The following MYH2 variants were observed in gnomAD, a reference collection of about 807,000 sequenced individuals.
The protein encoded by MYH2 is myosin heavy chain 2.
Under a neutral mutation model 228.1 loss-of-function variants are expected in MYH2, and 139 were observed. That is an observed-to-expected ratio of 0.61 (90% CI 0.53 to 0.70). The LOEUF is 0.70. MYH2 is among the 30% of genes least tolerant of loss of function. The probability of loss-of-function intolerance (pLI) is 0.00; values close to 1 mark genes in which losing one functional copy is unlikely to be tolerated. For missense variants in MYH2, 1,809 were observed against 2,357.5 expected (o/e 0.77, Z 4.82); for synonymous variants, 796 against 871.1 (o/e 0.91, Z 1.52).
rs780938885 is a variant in MYH2 at position 10,547,858 on chromosome 17, T to G, written c.63A>C (p.Glu21Asp). 6.2e-7 allele frequency: 1 copy of G among 1,614,144 alleles called. No individual in the cohort carries two copies. Among genetic ancestry groups the G allele is most frequent in the South Asian group, 1.1e-5 (1 of 91,072 alleles). ...GEAAPFLRKS[E>D]RERIEAQNRP... ...TATTCTGGGCCTCAATGCGCTCCCTTTCAGACTTTCGGAGGAAAGGAGCAG... is the reference window on the plus strand; with the variant it reads ...TATTCTGGGCCTCAATGCGCTCCCTGTCAGACTTTCGGAGGAAAGGAGCAG... Residue 21 changes from glutamate to aspartate, a missense_variant, in exon 3 of 40, where the codon GAA (glutamate) becomes GAC (aspartate). Glu to Asp is a conservative substitution (Grantham distance 45). Coordinates refer to ENST00000245503, the MANE Select transcript of MYH2 (RefSeq NM_017534.6).
chr17:10,527,574 T>C (rs1470921562), intron 28 of MYH2, among the ~76,000 whole-genome samples, 174 bp downstream of exon 28: 1 of 152,230 alleles, frequency 6.6e-6, no homozygotes, highest in Non-Finnish European at 1.5e-5. Flanking sequence ...TATTGAAACC[T>C]TTATCTCCAG....
At position 10,525,255 on chromosome 17, in the gene MYH2, C is replaced by T; in HGVS notation, c.4631G>A (p.Cys1544Tyr). The change falls in exon 33 of 40, where the codon TGT (cysteine) becomes TAT (tyrosine). Residue 1544 changes from cysteine (C) to tyrosine (Y), a missense_variant. Coordinates refer to ENST00000245503, the MANE Select transcript of MYH2 (RefSeq NM_017534.6). This position sits in a 1 kb window ranked among gnomAD's most constrained non-coding sequence, Gnocchi z 4.2. ...KIKKQVEQEK[C>Y]ELQAALEEAE... is the part of the protein sequence containing the mutation. Reference sequence around the variant, plus strand: ...TTCTTCTAAAGCAGCCTGAAGTTCACACTTTTCTTGTTCCACTTGTTTCTT... The same window carrying T: ...TTCTTCTAAAGCAGCCTGAAGTTCATACTTTTCTTGTTCCACTTGTTTCTT... 1 of 1,614,100 alleles carries T rather than the reference C, an allele frequency of 6.2e-7. No individual in the cohort carries two copies. The highest frequency in any genetic ancestry group is 8.5e-7 in the Non-Finnish European group (1 of 1,180,026).
intron 4 of MYH2, among the ~76,000 whole-genome samples, chr17:10,545,831 A>C (rs1455447004): frequency 2.6e-5 from 4 of 152,110 alleles, no homozygotes; most frequent in Non-Finnish European, 5.9e-5. Context: ...TTAAGTGAGT[A>C]CTCTTATTTC....
intron 39 of MYH2, among the ~76,000 whole-genome samples, chr17:10,521,734 G>A (rs1402425022): frequency 6.6e-6 from 1 of 151,936 alleles, no homozygotes; most frequent in East Asian, 1.9e-4. Context: ...TAAAGTCATA[G>A]TTGTTAATGC....
chr17:10,547,359 T>C, intron 4 of MYH2, 116 bp downstream of exon 4: 1 of 1,316,402 alleles, frequency 7.6e-7, no homozygotes, highest in South Asian at 1.2e-5. Flanking sequence ...TAACTAGTTA[T>C]GCTGCAATGA....
In MYH2 at chr17:10,531,711, C is replaced by T. The variant is rs2142303282; in HGVS notation, c.2619G>A (p.Glu873=). 6.2e-7 allele frequency: 1 copy of T among 1,614,088 alleles called. No individual in the cohort carries two copies. The highest frequency in any genetic ancestry group is 2.2e-5 in the East Asian group (1 of 44,888). Residue 873 remains glutamate, a synonymous_variant, in exon 22 of 40, where the codon GAG becomes GAA. Transcript: ENST00000245503. ...QKIKDELAKS[E]AKRKELEEKM... ...TTTCTTCCAGTTCCTTCCTTTTTGC[C>T]TCTGACTTGGCAAGTTCGTCTTTAA...
rs747991736 is a variant in MYH2 at position 10,523,426 on chromosome 17, G to A, written c.5473-14C>T. ...CAGCTCCCGTACCTGCAAATAAGTA[G>A]GCTCTTAAGAACTTTGATCCAATAA... On this transcript the variant is annotated splice_polypyrimidine_tract_variant and intron_variant, in intron 37 of 39. Coordinates refer to ENST00000245503, the MANE Select transcript of MYH2 (RefSeq NM_017534.6). 6.2e-7 allele frequency: 1 copy of A among 1,614,122 alleles called. No individual in the cohort carries two copies.
chr17:10,530,643 G>A, intron 22 of MYH2, among the ~76,000 whole-genome samples: 1 of 152,084 alleles, frequency 6.6e-6, no homozygotes, highest in East Asian at 1.9e-4. Flanking sequence ...TCCAATTAAG[G>A]GGGACAGGGC....
At chr17:10,539,121 G>C (rs2073519196) in intron 14 of MYH2, 84 bp downstream of exon 14, 6 of 1,608,866 alleles carry the variant, frequency 3.7e-6, no homozygotes, top group African/African-American at 1.3e-5. Flanking sequence ...GGTAAGAAAA[G>C]GTCATAGTCT....
At chr17:10,540,541 C>T in intron 11 of MYH2, 53 bp downstream of exon 11, 1 of 1,411,062 alleles carries the variant, frequency 7.1e-7, no homozygotes, top group Non-Finnish European at 1.0e-6. Context: ...TTATCTGGAT[C>T]ACCATTACTC....
At chr17:10,531,537 G>A in intron 22 of MYH2, 96 bp downstream of exon 22, 1 of 1,534,314 alleles carries the variant, frequency 6.5e-7, no homozygotes, top group Non-Finnish European at 9.0e-7. Flanking sequence ...TCCAATGAGT[G>A]TCTCCCTTGC....
At position 10,523,527 on chromosome 17, in the gene MYH2, C is replaced by G. The variant is rs1597447214; in HGVS notation, c.5441G>C (p.Gly1814Ala). ...CTCCAGTTTCTGGATCTGCTTCTTC[C>G]CACCCTTCAGGGCCAGCTGCTCAGC... ...DEAEQLALKG[G>A]KKQIQKLEAR... Residue 1814 changes from glycine (G) to alanine (A), a missense_variant, in exon 37 of 40, where the codon GGG becomes GCG. Physicochemically the swap from Gly to Ala is moderately conservative, Grantham distance 60. This residue lies in a region of MYH2 where 278 missense variants were observed against 308.5 expected (regional missense o/e 0.90). Coordinates refer to ENST00000245503, the MANE Select transcript of MYH2 (RefSeq NM_017534.6). 4.3e-6 allele frequency: 7 copies of G among 1,614,216 alleles called. No individual in the cohort carries two copies. The highest frequency in any genetic ancestry group is 5.9e-6 in the Non-Finnish European group (7 of 1,180,038).
At chr17:10,521,897 G>A (rs1236835135) in intron 39 of MYH2, among the ~76,000 whole-genome samples, 15 of 151,914 alleles carry the variant, frequency 9.9e-5, no homozygotes, top group Non-Finnish European at 4.4e-5. Context: ...CTCCTGCATT[G>A]GATGTAATGA....
At chr17:10,539,872 G>A in intron 12 of MYH2, 56 bp downstream of exon 12, 1 of 1,610,644 alleles carries the variant, frequency 6.2e-7, no homozygotes, top group African/African-American at 1.3e-5. Context: ...TGGGTAACAA[G>A]TTAAGAATGT....
At chr17:10,533,239 A>G in intron 21 of MYH2, 46 bp downstream of exon 21, 1 of 1,612,038 alleles carries the variant, frequency 6.2e-7, no homozygotes, top group Non-Finnish European at 8.5e-7. Context: ...GCCATTTCAA[A>G]TATGTTTTTG....
rs186803522 is a variant in MYH2 at position 10,528,190 on chromosome 17, C to T, written c.3745-316G>A. Among the ~76,000 whole-genome samples the T allele has an allele frequency of 2.8e-4, 43 of 151,812 alleles. No individual in the cohort carries two copies. In the East Asian group the frequency reaches 4.1e-3, roughly 14 times the overall value. On this transcript the variant is annotated intron_variant, in intron 27 of 39. Transcript: ENST00000245503. The stretch of plus-strand genomic sequence containing the variant: ...TCCTGAATAGCTGGGACTGCAGGCG[C>T]GCGCCACCACACTTGGTTGACTTTT...
In MYH2 at chr17:10,545,520, A is replaced by C; in HGVS notation, c.349-18T>G. 6.2e-7 allele frequency: 1 copy of C among 1,613,734 alleles called. No homozygotes were observed. The highest frequency in any genetic ancestry group is 1.7e-5 in the Admixed American group (1 of 60,008). ...GAATAGGTCTATGAGAAGGAAAAAG[A>C]ATAAGTACCCAAAGACCTTTCCTGT... On this transcript the variant is annotated intron_variant, in intron 4 of 39. Coordinates refer to ENST00000245503, the MANE Select transcript of MYH2 (RefSeq NM_017534.6).
intron 5 of MYH2, among the ~76,000 whole-genome samples, chr17:10,544,978 G>A (rs763747181): frequency 6.6e-6 from 1 of 151,404 alleles, no homozygotes; most frequent in Admixed American, 6.6e-5. Context: ...TCATAGTAAC[G>A]GAGACACAGT....
chr17:10,528,666 A>C, intron 27 of MYH2, 24 bp downstream of exon 27: 1 of 1,613,948 alleles, frequency 6.2e-7, no homozygotes, highest in Non-Finnish European at 8.5e-7. Context: ...ATTTTCAATA[A>C]CAATTTCCCA....
Sources: gnomAD v4.1 joint callset for allele counts (sites outside exome capture counted in the v4.1 genomes callset) on GRCh38, gnomAD v4.1.1 for gene constraint, gnomAD v4.1.1 regional missense constraint, Gnocchi (gnomAD v3.1) non-coding constraint, MANE v1.5 for transcripts, NCBI Gene and HGNC (gene_info 2026-07-23, HGNC 2026-07-21) for gene names.